Variants in PI4KA observed in about 807,000 individuals in gnomAD.
PI4KA encodes phosphatidylinositol 4-kinase alpha.
A neutral mutation model predicts 271.4 loss-of-function variants in PI4KA; 122 were observed. The ratio of observed to expected loss-of-function variants is 0.45; its 90% CI spans 0.39 to 0.52. PI4KA has a LOEUF of 0.52. Ranked by LOEUF, PI4KA falls within the 20% of genes least tolerant of loss-of-function variation. PI4KA has a pLI of 0.00. For missense variants in PI4KA, 1,969 were observed against 2,769.1 expected, an observed-to-expected ratio of 0.71 and a Z score of 6.48; for synonymous variants, 1,041 against 1,078.8, an observed-to-expected ratio of 0.96 and a Z score of 0.69.
At chr22:20,858,446 C>T (rs1193622624) in intron 1 of PI4KA, 124 bp downstream of exon 1, 11 of 646,360 alleles carry the variant, frequency 1.7e-5, no homozygotes, top group Non-Finnish European at 2.5e-5. Flanking sequence ...CGCTCAGGCG[C>T]CCCCTCCCGC....
At chr22:20,846,155 T>C (rs1926211376) in intron 1 of PI4KA, among the ~76,000 whole-genome samples, 1 of 149,452 alleles carries the variant, frequency 6.7e-6, no homozygotes, top group African/African-American at 2.5e-5. Flanking sequence ...TCCCAGCTAC[T>C]TGGGAGGCTG....
At chr22:20,800,602 C>T (rs917846828) in intron 14 of PI4KA, among the ~76,000 whole-genome samples, 50 of 151,712 alleles carry the variant, frequency 3.3e-4, no homozygotes, top group African/African-American at 1.1e-3. Flanking sequence ...GTGGCTCACA[C>T]CTGTAATCCC....
intron 22 of PI4KA, among the ~76,000 whole-genome samples, chr22:20,763,287 T>A (rs2147388023): frequency 6.6e-6 from 1 of 151,908 alleles, no homozygotes; most frequent in South Asian, 2.1e-4. Flanking sequence ...AATTTTTATA[T>A]TTTTAGTAGA....
chr22:20,763,369 C>CA (rs1307661076), intron 22 of PI4KA, among the ~76,000 whole-genome samples: 1 of 152,002 alleles, frequency 6.6e-6, no homozygotes, highest in Non-Finnish European at 1.5e-5. Flanking sequence ...CTCGGCCTCC[C>CA]AAAGTGTTGG....
intron 1 of PI4KA, among the ~76,000 whole-genome samples, chr22:20,850,527 T>A (rs1359129653): frequency 1.3e-5 from 2 of 151,890 alleles, no homozygotes; most frequent in Non-Finnish European, 2.9e-5. Context: ...CACTGCAAGC[T>A]CCGCCTCCCA....
At chr22:20,835,119 C>T (rs1297004218) in intron 2 of PI4KA, among the ~76,000 whole-genome samples, 1 of 151,972 alleles carries the variant, frequency 6.6e-6, no homozygotes, top group African/African-American at 2.4e-5. Context: ...TGTCCCTTGT[C>T]CATTTTCCTT....
chr22:20,846,289 GAAGAA>G (rs1569097564), intron 1 of PI4KA, among the ~76,000 whole-genome samples: 1 of 139,178 alleles, frequency 7.2e-6, no homozygotes, highest in East Asian at 2.1e-4. Context: ...AAAAAGAAAA[GAAGAA>G]AAGAAAATAA....
intron 42 of PI4KA, among the ~76,000 whole-genome samples, chr22:20,723,088 T>G (rs1174450665): frequency 6.6e-6 from 1 of 151,378 alleles, no homozygotes; most frequent in Non-Finnish European, 1.5e-5. Context: ...GAGTGCAATC[T>G]CAGCTCACTG....
At chr22:20,732,902 C>G in intron 36 of PI4KA, 69 bp downstream of exon 36, 2 of 1,595,638 alleles carry the variant, frequency 1.3e-6, no homozygotes, top group Non-Finnish European at 1.7e-6. Context: ...CTGGCACCCT[C>G]GGGGCAGCCC....
At chr22:20,730,122 T>C (rs1927842838) in intron 36 of PI4KA, 111 bp from the exon 37 acceptor site, 1 of 1,235,774 alleles carries the variant, frequency 8.1e-7, no homozygotes, top group Admixed American at 2.3e-5. Context: ...GAGCAGGCAT[T>C]TTCTGGAGTC....
intron 3 of PI4KA, among the ~76,000 whole-genome samples, chr22:20,832,184 C>G (rs1302678040): frequency 1.3e-5 from 2 of 149,356 alleles, no homozygotes; most frequent in East Asian, 3.9e-4. Flanking sequence ...GGCGCGATCT[C>G]GGCTCACTGT....
At chr22:20,731,081 G>C (rs998480100) in intron 36 of PI4KA, among the ~76,000 whole-genome samples, 35 of 152,182 alleles carry the variant, frequency 2.3e-4, no homozygotes, top group African/African-American at 8.2e-4. Context: ...TGTGAGGCTG[G>C]GGTGGGAGAA....
intron 52 of PI4KA, 165 bp downstream of exon 52, chr22:20,710,534 G>C: frequency 1.5e-6 from 1 of 663,156 alleles, no homozygotes; most frequent in East Asian, 2.7e-5. Context: ...AGAATTTACT[G>C]GCACAGGTGG....
At chr22:20,813,880 C>T (rs1356375092) in intron 7 of PI4KA, among the ~76,000 whole-genome samples, 1 of 152,152 alleles carries the variant, frequency 6.6e-6, no homozygotes, top group Non-Finnish European at 1.5e-5. Flanking sequence ...CTCACTGCAA[C>T]CTCTGCCTCC....
At chr22:20,768,347 C>T (rs1300588502) in intron 19 of PI4KA, among the ~76,000 whole-genome samples, 3 of 152,264 alleles carry the variant, frequency 2.0e-5, no homozygotes, top group African/African-American at 4.8e-5. Context: ...GTTGGAATTA[C>T]AGGCGTGAGC....
chr22:20,832,116 C>CTTT (rs1350841437), intron 3 of PI4KA, among the ~76,000 whole-genome samples: 1 of 132,420 alleles, frequency 7.6e-6, no homozygotes, highest in African/African-American at 2.8e-5. Flanking sequence ...TTTTGAAATT[C>CTTT]TTTTTTTTTT....
chr22:20,855,933 G>C (rs1396050406), intron 1 of PI4KA, among the ~76,000 whole-genome samples: 1 of 152,198 alleles, frequency 6.6e-6, no homozygotes, highest in Non-Finnish European at 1.5e-5. Flanking sequence ...TTTGTAAGCA[G>C]GCTCTTGTAA....
At chr22:20,823,660 T>G (rs1157048585) in intron 4 of PI4KA, among the ~76,000 whole-genome samples, 1 of 152,178 alleles carries the variant, frequency 6.6e-6, no homozygotes. Context: ...CTCTTCTAGC[T>G]GGGCACAGTG....
chr22:20,724,555 C>A lies in PI4KA; in HGVS notation c.4995+1933G>T, dbSNP rs572982109. Among the ~76,000 whole-genome samples the A allele has an allele frequency of 1.2e-3, 189 of 151,354 alleles. 1 individual carries two copies. The highest frequency in any genetic ancestry group is 4.5e-3 in the African/African-American group (185 of 41,248). On this transcript the variant is annotated intron_variant, in intron 42 of 54. Coordinates refer to ENST00000255882, the MANE Select transcript of PI4KA (RefSeq NM_058004.4). The stretch of plus-strand genomic sequence containing the variant: ...TCTGGGAGGCAGAGGCTGCAAGGAG[C>A]CGAGAATGCCACTGCACTGCAGCCT...
Sources: gnomAD v4.1 joint callset for allele counts (sites outside exome capture counted in the v4.1 genomes callset) on GRCh38, gnomAD v4.1.1 for gene constraint, MANE v1.5 for transcripts, NCBI Gene and HGNC (gene_info 2026-07-23, HGNC 2026-07-21) for gene names.